BPIFB3: variants seen among roughly 807,000 people sequenced by gnomAD.
BPIFB3 encodes BPI fold containing family B member 3.
Under a neutral mutation model 53.1 loss-of-function variants are expected in BPIFB3, and 49 were observed. That is an observed-to-expected ratio of 0.92 (90% CI 0.73 to 1.17). The LOEUF (loss-of-function observed/expected upper bound fraction) is 1.17, where lower values mean the gene tolerates loss of function less well. Ranked by LOEUF, BPIFB3 falls within the 50% of genes most tolerant of loss-of-function variation. BPIFB3 has a pLI of 0.00. For missense variants in BPIFB3, 628 were observed against 592.5 expected (o/e 1.06, Z -0.62); for synonymous variants, 271 against 269.6 (o/e 1.01, Z -0.05).
chr20:33,066,894 T>C lies in BPIFB3; in HGVS notation c.978+17T>C. ...CTCCCTGAGGTGAGTGACGCTCTCATGGGTTTTGATCATTGTAGCTCTTTC... is the reference window on the plus strand; with the variant it reads ...CTCCCTGAGGTGAGTGACGCTCTCACGGGTTTTGATCATTGTAGCTCTTTC... On this transcript the variant is annotated intron_variant, in intron 9 of 14. Coordinates refer to ENST00000375494, the Ensembl canonical transcript of BPIFB3. 3 of 1,612,460 alleles carry C rather than the reference T, an allele frequency of 1.9e-6. No individual in the cohort carries two copies. Among genetic ancestry groups the C allele is most frequent in the Non-Finnish European group, 2.5e-6 (3 of 1,178,448 alleles).
chr20:33,056,802 G>A lies in BPIFB3; in HGVS notation c.281+104G>A, dbSNP rs1980229027. Reference sequence around the variant, plus strand: ...ATTTGTCCAATAGGCAGTGAAGGTTGTGTGGGAGGGTTGTGATCCGGGTCT... The same window carrying A: ...ATTTGTCCAATAGGCAGTGAAGGTTATGTGGGAGGGTTGTGATCCGGGTCT... On this transcript the variant is annotated intron_variant, in intron 2 of 14. Coordinates refer to ENST00000375494, the Ensembl canonical transcript of BPIFB3. 3.7e-6 allele frequency: 5 copies of A among 1,366,636 alleles called. No homozygotes were observed. In the South Asian group the frequency reaches 5.9e-5, roughly 16 times the overall value. 84.7% of individuals were successfully genotyped at this position (1,366,636 alleles called of 1,614,324 possible).
chr20:33,056,465 AGGAAG>A, intron 1 of BPIFB3, 72 bp from the exon 3 acceptor site: 1 of 1,540,360 alleles, frequency 6.5e-7, no homozygotes, highest in Non-Finnish European at 8.9e-7. Flanking sequence ...TCAATCTCAG[AGGAAG>A]GAGGCAGCTG....
At chr20:33,071,541 C>T (rs891824763) in intron 12 of BPIFB3, among the ~76,000 whole-genome samples, 14 of 152,076 alleles carry the variant, frequency 9.2e-5, no homozygotes, top group African/African-American at 3.4e-4. Context: ...CATGATCTTC[C>T]ACGGTCTTGG....
At chr20:33,061,337 ATCATTCAT>A (rs4012503) in intron 4 of BPIFB3, among the ~76,000 whole-genome samples, 216 of 151,266 alleles carry the variant, frequency 1.4e-3, no homozygotes, top group African/African-American at 2.4e-3. Flanking sequence ...TCCTCAGGCC[ATCATTCAT>A]TCATTCATTC....
intron 4 of BPIFB3, among the ~76,000 whole-genome samples, chr20:33,060,575 T>C (rs1980412053): frequency 6.6e-6 from 1 of 151,874 alleles, no homozygotes; most frequent in Non-Finnish European, 1.5e-5. Flanking sequence ...TTTTTCTTTT[T>C]CTTTTTTTTC....
At chr20:33,059,785 T>A in intron 3 of BPIFB3, 106 bp from the exon 5 acceptor site, 1 of 1,464,120 alleles carries the variant, frequency 6.8e-7, no homozygotes. Context: ...AGGCAGAGGC[T>A]GAGAAGGGGG....
Position 33,060,038 on chromosome 20 carries a change from C to G in BPIFB3, c.527+7C>G, listed in dbSNP as rs779102497. 40 of 1,613,284 alleles carry G rather than the reference C, an allele frequency of 2.5e-5. 1 individual carries two copies. The South Asian group carries it at 3.8e-4, about 16-fold the overall frequency. ...ACATCAGCCTGTTCTCAGGGTGAGTCTGCAGGTTCCAGCCTGCAACCCTGA... is the reference window on the plus strand; with the variant it reads ...ACATCAGCCTGTTCTCAGGGTGAGTGTGCAGGTTCCAGCCTGCAACCCTGA... On this transcript the variant is annotated splice_region_variant and intron_variant, in intron 4 of 14. Transcript: ENST00000375494.
chr20:33,072,235 C>G, intron 13 of BPIFB3, 68 bp downstream of exon 14: 5 of 1,520,392 alleles, frequency 3.3e-6, no homozygotes, highest in Admixed American at 1.7e-5. Context: ...TCTGTTGCCT[C>G]TCTTTATGGT....
intron 8 of BPIFB3, among the ~76,000 whole-genome samples, chr20:33,065,970 C>A (rs1006058160): frequency 2.6e-5 from 4 of 152,218 alleles, no homozygotes; most frequent in African/African-American, 9.6e-5. Context: ...CGTGTAAGAA[C>A]GTGCATGTCT....
rs559143870 is a variant in BPIFB3, at chr20:33,069,058, C to T, written c.1149+85C>T. ...CTCCAGGACTGTGGAGGTACCGTCC[C>T]CCTGATTTCAGGGTGGGAGCCCCAC... is the stretch of plus-strand genomic sequence containing the variant. On this transcript the variant is annotated intron_variant, in intron 10 of 14. Coordinates refer to ENST00000375494, the Ensembl canonical transcript of BPIFB3. The T allele has an allele frequency of 1.8e-4, 266 of 1,455,176 alleles. 2 individuals are homozygous for T. In the South Asian group the frequency reaches 2.7e-3, roughly 15 times the overall value. The allele number at this position is 1,455,176 out of a possible 1,614,324, so 90.1% of individuals were successfully genotyped here. A position where few individuals can be genotyped will look rare whatever the true frequency, so the allele number is the denominator to read the frequency against.
chr20:33,062,691 G>A (rs902383710), intron 5 of BPIFB3, among the ~76,000 whole-genome samples: 1 of 152,222 alleles, frequency 6.6e-6, no homozygotes, highest in Non-Finnish European at 1.5e-5. Context: ...CAGCATTGAA[G>A]ATTTCTCGTA....
intron 3 of BPIFB3, 38 bp from the exon 5 acceptor site, chr20:33,059,853 T>A (rs2146382187): frequency 6.2e-7 from 1 of 1,605,394 alleles, no homozygotes. Flanking sequence ...GGGTGGGAGC[T>A]GGCTGCCTGG....
At chr20:33,063,574 G>A in intron 5 of BPIFB3, 41 bp from the exon 7 acceptor site, 2 of 1,605,742 alleles carry the variant, frequency 1.2e-6, no homozygotes, top group Non-Finnish European at 1.7e-6. Context: ...TCCTCGCAGT[G>A]AGCTCTTCTT....
intron 14 of BPIFB3, among the ~76,000 whole-genome samples, chr20:33,073,216 C>T (rs553523563): frequency 1.6e-4 from 25 of 152,298 alleles, no homozygotes; most frequent in African/African-American, 4.8e-4. Context: ...TATGGCCTCA[C>T]AATCCTTTTC....
intron 9 of BPIFB3, 76 bp from the exon 11 acceptor site, chr20:33,068,727 G>A: frequency 1.4e-6 from 2 of 1,470,942 alleles, no homozygotes; most frequent in Non-Finnish European, 1.9e-6. Flanking sequence ...CCTGGTAGGT[G>A]CTTAGTGAGT....
chr20:33,069,110 C>T (rs1980784066), intron 10 of BPIFB3, 137 bp downstream of exon 11: 1 of 944,660 alleles, frequency 1.1e-6, no homozygotes, highest in South Asian at 1.8e-5. Flanking sequence ...AGCCCCCCGC[C>T]CCACAACCAC....
intron 2 of BPIFB3, among the ~76,000 whole-genome samples, chr20:33,057,536 T>C (rs1027867042): frequency 9.2e-5 from 14 of 152,224 alleles, no homozygotes; most frequent in Admixed American, 1.3e-4. Context: ...TGTCTGAATG[T>C]TGGCCCCTCA....
At chr20:33,069,124 C>T in intron 10 of BPIFB3, 151 bp downstream of exon 11, 1 of 867,360 alleles carries the variant, frequency 1.2e-6, no homozygotes, top group Non-Finnish European at 1.7e-6. Context: ...CAACCACTGT[C>T]ATCATCTGGG....
chr20:33,064,721 C>T (rs2146387005), exon 8 of BPIFB3: 1 of 1,614,134 alleles, frequency 6.2e-7, no homozygotes, highest in East Asian at 2.2e-5. Context: ...TCCCGTGCCC[C>T]AGCCAAGGTG....
Sources: allele counts gnomAD v4.1 joint callset (sites outside exome capture counted in the v4.1 genomes callset), GRCh38; gene constraint gnomAD v4.1.1; transcripts MANE v1.5; gene names NCBI Gene and HGNC (gene_info 2026-07-23, HGNC 2026-07-21).